Variants in ROBO1 observed in about 807,000 individuals in gnomAD.
ROBO1 encodes the protein roundabout homolog 1.
ROBO1 carries 149 observed loss-of-function variants against 195.9 expected under a neutral mutation model. That is an observed-to-expected ratio of 0.76 (90% CI 0.67 to 0.87). ROBO1 has a LOEUF of 0.87. Ranked by LOEUF, ROBO1 falls within the 40% of genes least tolerant of loss-of-function variation. The pLI is 0.00. For missense variants in ROBO1, 1,933 were observed against 2,068.3 expected (o/e 0.93, Z 1.27); for synonymous variants, 816 against 733.2 (o/e 1.11, Z -1.82).
intron 2 of ROBO1, among the ~76,000 whole-genome samples, chr3:79,160,466 G>A (rs1179949279): frequency 2.6e-5 from 4 of 151,926 alleles, no homozygotes. Context: ...ATATAGAACT[G>A]TTCAAAAATT....
At chr3:78,849,614 TTA>T (rs201070361) in intron 4 of ROBO1, among the ~76,000 whole-genome samples, 4 of 151,566 alleles carry the variant, frequency 2.6e-5, no homozygotes, top group Non-Finnish European at 2.9e-5. Flanking sequence ...AAAATAAGTT[TTA>T]TATATATATA....
chr3:78,704,865 C>T (rs67498832), intron 8 of ROBO1, among the ~76,000 whole-genome samples: 47,938 of 151,878 alleles, frequency 0.32, 8,555 homozygotes, highest in African/African-American at 0.49. Context: ...TACATTCACA[C>T]AGTATGTTAC....
chr3:79,287,190 A>C (rs1227830632), intron 2 of ROBO1, among the ~76,000 whole-genome samples: 4 of 152,158 alleles, frequency 2.6e-5, no homozygotes, highest in African/African-American at 9.6e-5. Flanking sequence ...TATATACATA[A>C]AAATCTTAAG....
intron 2 of ROBO1, among the ~76,000 whole-genome samples, chr3:79,273,438 A>G (rs1319628849): frequency 6.6e-6 from 1 of 152,074 alleles, no homozygotes; most frequent in Non-Finnish European, 1.5e-5. Context: ...TTAAGTTGTC[A>G]TCAGTTTTAA....
chr3:78,843,980 A>G (rs1405946873), intron 4 of ROBO1, among the ~76,000 whole-genome samples: 1 of 152,108 alleles, frequency 6.6e-6, no homozygotes, highest in Non-Finnish European at 1.5e-5. Context: ...ACCTGCCTAT[A>G]TGTGTGTGAC....
At chr3:78,989,862 T>A (rs913052896) in intron 3 of ROBO1, among the ~76,000 whole-genome samples, 1 of 152,108 alleles carries the variant, frequency 6.6e-6, no homozygotes, top group Non-Finnish European at 1.5e-5. Context: ...GAATTTAATA[T>A]ATAAATTAAG....
intron 5 of ROBO1, among the ~76,000 whole-genome samples, chr3:78,724,286 GTTCAT>G (rs762984813): frequency 3.9e-5 from 6 of 152,038 alleles, no homozygotes; most frequent in South Asian, 4.1e-4. Context: ...ATGGTGGGCT[GTTCAT>G]TTCAATAAAC....
intron 2 of ROBO1, among the ~76,000 whole-genome samples, chr3:79,278,991 T>TA (rs2031289152): frequency 6.6e-6 from 1 of 151,888 alleles, no homozygotes. Flanking sequence ...TTTCAGCAGA[T>TA]AAAAAAATGG....
At chr3:79,067,494 T>C (rs979718707) in intron 3 of ROBO1, among the ~76,000 whole-genome samples, 2 of 152,014 alleles carry the variant, frequency 1.3e-5, no homozygotes, top group Admixed American at 6.6e-5. Flanking sequence ...ATTCTGAGTC[T>C]GTCAATTACA....
At chr3:79,174,999 A>AT (rs1254956518) in intron 2 of ROBO1, among the ~76,000 whole-genome samples, 2 of 152,126 alleles carry the variant, frequency 1.3e-5, no homozygotes, top group African/African-American at 2.4e-5. Flanking sequence ...GAAAAAAGTT[A>AT]TTTTTTAGAA....
At chr3:79,575,706 T>C (rs1270829530) in intron 2 of ROBO1, among the ~76,000 whole-genome samples, 1 of 151,102 alleles carries the variant, frequency 6.6e-6, no homozygotes, top group African/African-American at 2.4e-5. Flanking sequence ...ATTCTTCTAT[T>C]TGTTTCATGG....
chr3:79,329,768 T>C (rs1299159545), intron 2 of ROBO1, among the ~76,000 whole-genome samples: 1 of 152,196 alleles, frequency 6.6e-6, no homozygotes, highest in Non-Finnish European at 1.5e-5. Context: ...TTCTTTATTG[T>C]CTAGTAAATC....
chr3:79,096,997 A>C (rs576308032), intron 3 of ROBO1, among the ~76,000 whole-genome samples: 1 of 151,764 alleles, frequency 6.6e-6, no homozygotes, highest in Admixed American at 6.6e-5. Flanking sequence ...TAGATATGGA[A>C]ATACTTTATT....
chr3:79,211,701 G>A (rs930426137), intron 2 of ROBO1, among the ~76,000 whole-genome samples: 3 of 152,166 alleles, frequency 2.0e-5, no homozygotes, highest in Non-Finnish European at 4.4e-5. Context: ...GGCATTTTGA[G>A]TTGCTTCAGA....
intron 3 of ROBO1, among the ~76,000 whole-genome samples, chr3:79,076,920 T>A (rs906200998): frequency 2.0e-5 from 3 of 151,944 alleles, no homozygotes; most frequent in Non-Finnish European, 4.4e-5. Flanking sequence ...ACTTAGTGAA[T>A]GGATATGGTG....
chr3:79,765,320 A>G (rs1704924694), intron 1 of ROBO1, among the ~76,000 whole-genome samples: 1 of 152,238 alleles, frequency 6.6e-6, no homozygotes, highest in African/African-American at 2.4e-5. Flanking sequence ...GTATAGGTCC[A>G]TAAGAAACAA....
intron 5 of ROBO1, among the ~76,000 whole-genome samples, chr3:78,738,015 G>C (rs2082432231): frequency 6.6e-6 from 1 of 152,076 alleles, no homozygotes; most frequent in Admixed American, 6.6e-5. Flanking sequence ...ATTTCCTCTA[G>C]GGGAGAGGAG....
chr3:79,728,722 G>T (rs151199304), intron 1 of ROBO1, among the ~76,000 whole-genome samples: 1 of 151,992 alleles, frequency 6.6e-6, no homozygotes. Context: ...GCCAGAAAAA[G>T]ACTTAATTTC....
chr3:78,675,773 A>G (rs113342556), intron 10 of ROBO1, among the ~76,000 whole-genome samples: 2,078 of 152,274 alleles, frequency 0.014, 19 homozygotes, highest in Non-Finnish European at 0.017. Flanking sequence ...AGACAGCAGT[A>G]ACCTCTGCAG....
Sources: allele counts gnomAD v4.1 joint callset (sites outside exome capture counted in the v4.1 genomes callset), GRCh38; gene constraint gnomAD v4.1.1; transcripts MANE v1.5; gene names NCBI Gene and HGNC (gene_info 2026-07-23, HGNC 2026-07-21).